TSPEAR: variants seen among roughly 807,000 people sequenced by gnomAD.
TSPEAR encodes thrombospondin type laminin G domain and EAR repeats, also known as thrombospondin-type laminin G domain and EAR repeat-containing protein.
A neutral mutation model predicts 71.6 loss-of-function variants in TSPEAR; 69 were observed. The ratio of observed to expected loss-of-function variants is 0.96; its 90% CI spans 0.79 to 1.18. The LOEUF is 1.18. TSPEAR is among the 50% of genes most tolerant of loss of function. The probability of loss-of-function intolerance (pLI) is 0.00; values close to 1 mark genes in which losing one functional copy is unlikely to be tolerated. For missense variants in TSPEAR, 971 were observed against 894.9 expected, an observed-to-expected ratio of 1.09 and a Z score of -1.09; for synonymous variants, 402 against 387.2, an observed-to-expected ratio of 1.04 and a Z score of -0.45.
intron 10 of TSPEAR, among the ~76,000 whole-genome samples, chr21:44,505,239 C>T (rs587771715): frequency 4.6e-5 from 7 of 151,860 alleles, no homozygotes; most frequent in South Asian, 4.2e-4. Flanking sequence ...GCACCACGCC[C>T]GGCTAATTTT....
chr21:44,647,013 G>C (rs782641768), intron 1 of TSPEAR: 9 of 1,612,430 alleles, frequency 5.6e-6, no homozygotes. Flanking sequence ...CCTCCTACCA[G>C]CAGGCCTGCT....
At chr21:44,670,783 TAA>T (rs1986018037) in intron 1 of TSPEAR, among the ~76,000 whole-genome samples, 1 of 152,132 alleles carries the variant, frequency 6.6e-6, no homozygotes, top group African/African-American at 2.4e-5. Flanking sequence ...GCCCAGCCCC[TAA>T]AAGTCTGCAT....
At chr21:44,632,899 A>T (rs782391279) in intron 1 of TSPEAR, among the ~76,000 whole-genome samples, 3 of 152,212 alleles carry the variant, frequency 2.0e-5, no homozygotes, top group African/African-American at 4.8e-5. Context: ...CAGTTTTGGT[A>T]GTTTGTATGT....
intron 1 of TSPEAR, chr21:44,677,992 C>G: frequency 9.5e-7 from 1 of 1,048,390 alleles, no homozygotes; most frequent in East Asian, 2.4e-5. Context: ...AGTAGAGTAT[C>G]GGCGGCATGG....
intron 11 of TSPEAR, among the ~76,000 whole-genome samples, chr21:44,503,032 CG>C (rs1481307491): frequency 7.7e-6 from 1 of 129,436 alleles, no homozygotes; most frequent in East Asian, 2.5e-4. Context: ...GGTGAGCCCT[CG>C]GGGGGAAGCA....
rs1981361184 is a variant in TSPEAR, at chr21:44,607,085, TG to T, written c.83-39081del. Among the ~76,000 whole-genome samples, 3 of 152,324 alleles carry T rather than the reference TG, an allele frequency of 2.0e-5. No individual in the cohort carries two copies. In the South Asian group the frequency reaches 6.2e-4, roughly 32 times the overall value. On this transcript the variant is annotated intron_variant, in intron 1 of 11. Coordinates refer to ENST00000323084, the MANE Select transcript of TSPEAR (RefSeq NM_144991.3). Reference sequence around the variant, plus strand: ...TTAAGTAACTTGATTTCATCTTTTTTGTTTTGTTTTGTTTTTTAGACACAGT... The same window carrying T: ...TTAAGTAACTTGATTTCATCTTTTTTTTTTGTTTTGTTTTTTAGACACAGT...
chr21:44,616,714 C>A (rs374760140), intron 1 of TSPEAR, among the ~76,000 whole-genome samples: 4 of 152,248 alleles, frequency 2.6e-5, no homozygotes, highest in Non-Finnish European at 5.9e-5. Flanking sequence ...CGTGACAATG[C>A]GGCTGCGCAC....
chr21:44,588,855 C>T (rs1312126567), intron 1 of TSPEAR, among the ~76,000 whole-genome samples: 5 of 151,150 alleles, frequency 3.3e-5, no homozygotes, highest in Admixed American at 1.3e-4. Context: ...TCACAGAGAC[C>T]TGGATGAGAT....
At chr21:44,663,969 G>A (rs1555944210) in intron 1 of TSPEAR, among the ~76,000 whole-genome samples, 2 of 152,092 alleles carry the variant, frequency 1.3e-5, no homozygotes, top group Non-Finnish European at 2.9e-5. Context: ...TTCTTTTAAA[G>A]AGCATCTATG....
At chr21:44,709,155 A>C (rs1315449564) in intron 1 of TSPEAR, among the ~76,000 whole-genome samples, 2 of 150,436 alleles carry the variant, frequency 1.3e-5, no homozygotes, top group Admixed American at 6.6e-5. Context: ...CTGGGTCCTC[A>C]GATGGCTCCC....
chr21:44,505,870 G>A (rs1402810532), intron 10 of TSPEAR, among the ~76,000 whole-genome samples: 2 of 152,014 alleles, frequency 1.3e-5, no homozygotes, highest in South Asian at 2.1e-4. Context: ...TATGAACACC[G>A]GGGTACAAAA....
chr21:44,591,388 C>T (rs201540766), intron 1 of TSPEAR: 8 of 1,602,450 alleles, frequency 5.0e-6, no homozygotes, highest in Non-Finnish European at 6.8e-6. Flanking sequence ...CCAGGGCTGT[C>T]AGCAGCTGGA....
intron 9 of TSPEAR, chr21:44,509,937 G>T (rs1336056554): frequency 6.5e-6 from 1 of 153,818 alleles, no homozygotes; most frequent in African/African-American, 2.4e-5. Context: ...GGTACCTCTC[G>T]AGTTTTCTCT....
In TSPEAR at chr21:44,593,298, G is replaced by A. The variant is rs192838127; in HGVS notation, c.83-25293C>T. On this transcript the variant is annotated intron_variant, in intron 1 of 11. Transcript: ENST00000323084. The surrounding 1 kb of genome is among the most constrained non-coding windows in gnomAD (Gnocchi z 5.9). The stretch of plus-strand genomic sequence containing the variant: ...GTGCTCTGCTTCTCCGAGGCTGCCC[G>A]TCAGCCCCCACCCAGCCTCCTGCTG... Among the ~76,000 whole-genome samples, 279 of 152,188 alleles carry A rather than the reference G, an allele frequency of 1.8e-3. No individual in the cohort carries two copies. The highest frequency in any genetic ancestry group is 6.4e-3 in the African/African-American group (264 of 41,512).
At position 44,509,227 on chromosome 21, in the gene TSPEAR, CAA is replaced by C. The variant is rs782570575; in HGVS notation, c.1724_1725del (p.Phe575CysfsTer118). 5.6e-6 allele frequency: 9 copies of C among 1,613,900 alleles called. No individual in the cohort carries two copies. Among genetic ancestry groups the C allele is most frequent in the Non-Finnish European group, 7.6e-6 (9 of 1,180,012 alleles). On this transcript the variant is annotated frameshift_variant, in exon 10 of 12. Transcript: ENST00000323084. LOFTEE classifies it high-confidence loss of function. ...CAGGTGAGAATGTCCTGGAACTTGA[CAA>C]AGGCCTGCGCGGTCACGTTCAGCTC... The part of the protein sequence containing the change: ...IYELNVTAQA[F>X]VKFQDILTCS...
At chr21:44,666,963 C>T (rs1471087864) in intron 1 of TSPEAR, 2 of 1,503,856 alleles carry the variant, frequency 1.3e-6, no homozygotes, top group Non-Finnish European at 9.0e-7. Flanking sequence ...GCCTTTATAC[C>T]TGGGCCCAGG....
At chr21:44,594,893 G>A (rs1468118673) in intron 1 of TSPEAR, among the ~76,000 whole-genome samples, 1 of 144,124 alleles carries the variant, frequency 6.9e-6, no homozygotes, top group Non-Finnish European at 1.5e-5. Flanking sequence ...TACGATCTCA[G>A]CTCACCGCAG....
intron 1 of TSPEAR, chr21:44,600,843 C>T: frequency 6.2e-7 from 1 of 1,608,940 alleles, no homozygotes. Context: ...CCTGTGAGCC[C>T]AGCCCCTGCC....
chr21:44,542,494 T>C (rs2053236975), intron 2 of TSPEAR, among the ~76,000 whole-genome samples: 1 of 152,112 alleles, frequency 6.6e-6, no homozygotes, highest in Non-Finnish European at 1.5e-5. Context: ...ACACCTGTAA[T>C]ACCAGCACTC....
Sources: allele counts gnomAD v4.1 joint callset (sites outside exome capture counted in the v4.1 genomes callset), GRCh38; gene constraint gnomAD v4.1.1; non-coding constraint Gnocchi (gnomAD v3.1); transcripts MANE v1.5; gene names NCBI Gene and HGNC (gene_info 2026-07-23, HGNC 2026-07-21).